The following UBAC2 variants were observed in gnomAD, a reference collection of about 807,000 sequenced individuals.
UBAC2 encodes ubiquitin-associated domain-containing protein 2.
A neutral mutation model predicts 44.0 loss-of-function variants in UBAC2; 26 were observed. The ratio of observed to expected loss-of-function variants is 0.59; its 90% confidence interval spans 0.43 to 0.82. The LOEUF is 0.82. UBAC2 is among the 40% of genes least tolerant of loss of function. The pLI, the probability that UBAC2 is intolerant of heterozygous loss-of-function variation, is 0.00. For missense variants in UBAC2, 329 were observed against 419.4 expected, an observed-to-expected ratio of 0.78 and a Z score of 1.88; for synonymous variants, 155 against 154.3, an observed-to-expected ratio of 1.00 and a Z score of -0.04.
At chr13:99,282,815 G>C (rs1387564912) in intron 4 of UBAC2, among the ~76,000 whole-genome samples, 1 of 152,160 alleles carries the variant, frequency 6.6e-6, no homozygotes, top group Admixed American at 6.5e-5. Flanking sequence ...CCATGTCTTG[G>C]TAACTATAGC....
chr13:99,230,508 C>T (rs2043160160), intron 1 of UBAC2, among the ~76,000 whole-genome samples: 1 of 152,022 alleles, frequency 6.6e-6, no homozygotes, highest in Non-Finnish European at 1.5e-5. Context: ...AATTTATTAT[C>T]CTACAGTTTG....
chr13:99,238,074 T>C (rs144369683), intron 1 of UBAC2, among the ~76,000 whole-genome samples: 7 of 152,380 alleles, frequency 4.6e-5, no homozygotes, highest in Admixed American at 4.6e-4. Context: ...GTTTTGTGCA[T>C]GCTCAGGAGC....
intron 7 of UBAC2, among the ~76,000 whole-genome samples, chr13:99,367,207 G>A (rs1192083507): frequency 6.6e-6 from 1 of 152,140 alleles, no homozygotes; most frequent in Non-Finnish European, 1.5e-5. Context: ...CCTTTTTGCT[G>A]TTTGTCAGAT....
At chr13:99,217,160 GT>G (rs2142674590) in intron 1 of UBAC2, among the ~76,000 whole-genome samples, 1 of 152,254 alleles carries the variant, frequency 6.6e-6, no homozygotes, top group African/African-American at 2.4e-5. Context: ...TAATTTTAGT[GT>G]TTGGGGTTTT....
intron 6 of UBAC2, among the ~76,000 whole-genome samples, chr13:99,323,312 C>A (rs1374517542): frequency 6.6e-6 from 1 of 152,040 alleles, no homozygotes; most frequent in Non-Finnish European, 1.5e-5. Flanking sequence ...AAAGAAAAAT[C>A]AAGGCTAACC....
At chr13:99,211,340 A>G (rs1411681548) in intron 1 of UBAC2, among the ~76,000 whole-genome samples, 1 of 152,196 alleles carries the variant, frequency 6.6e-6, no homozygotes, top group Non-Finnish European at 1.5e-5. Context: ...CTACTGTATC[A>G]TACAATGAAA....
chr13:99,338,096 C>T (rs1348673270), intron 6 of UBAC2, among the ~76,000 whole-genome samples: 12 of 103,646 alleles, frequency 1.2e-4, no homozygotes, highest in African/African-American at 3.2e-4. Context: ...CTCACTGTGT[C>T]GCCCAGGCTG....
chr13:99,276,662 G>A (rs190601578), intron 4 of UBAC2, among the ~76,000 whole-genome samples: 3 of 152,180 alleles, frequency 2.0e-5, no homozygotes, highest in African/African-American at 7.2e-5. Flanking sequence ...GAGGCTGGTG[G>A]GTGGTGCTGA....
At chr13:99,263,124 C>T (rs1052708116) in intron 4 of UBAC2, among the ~76,000 whole-genome samples, 1 of 152,102 alleles carries the variant, frequency 6.6e-6, no homozygotes, top group African/African-American at 2.4e-5. Context: ...TATTATACTT[C>T]GTTTTAGTAA....
chr13:99,254,700 A>T (rs762670401), intron 4 of UBAC2: 6 of 563,512 alleles, frequency 1.1e-5, no homozygotes, highest in African/African-American at 1.9e-5. Flanking sequence ...AAGAAAAATC[A>T]GATGCTTTTC....
chr13:99,227,959 A>G (rs1207265744), intron 1 of UBAC2, among the ~76,000 whole-genome samples: 1 of 152,240 alleles, frequency 6.6e-6, no homozygotes, highest in Non-Finnish European at 1.5e-5. Context: ...AGAGAAAATC[A>G]GTGGAAATGC....
chr13:99,241,260 G>A (rs1390083539), intron 2 of UBAC2, among the ~76,000 whole-genome samples: 1 of 94,358 alleles, frequency 1.1e-5, no homozygotes, highest in Non-Finnish European at 2.3e-5. Context: ...GTGAGACCCT[G>A]TCTCAAAAAA....
chr13:99,219,746 A>G (rs1228179080), intron 1 of UBAC2, among the ~76,000 whole-genome samples: 1 of 152,234 alleles, frequency 6.6e-6, no homozygotes, highest in South Asian at 2.1e-4. Context: ...GTCCCTGACA[A>G]ACACTAATCT....
chr13:99,261,428 A>G (rs2043659860), intron 4 of UBAC2, among the ~76,000 whole-genome samples: 2 of 152,212 alleles, frequency 1.3e-5, no homozygotes, highest in Non-Finnish European at 2.9e-5. Flanking sequence ...TTGAGAAACT[A>G]TTTGTCTAAA....
intron 4 of UBAC2, among the ~76,000 whole-genome samples, chr13:99,291,365 A>G (rs2044087040): frequency 6.6e-6 from 1 of 152,166 alleles, no homozygotes; most frequent in Non-Finnish European, 1.5e-5. Flanking sequence ...CCTGGGTTCA[A>G]AATAATGGCC....
At chr13:99,225,015 C>T (rs538685647) in intron 1 of UBAC2, among the ~76,000 whole-genome samples, 85 of 152,262 alleles carry the variant, frequency 5.6e-4, no homozygotes, top group African/African-American at 2.0e-3. Flanking sequence ...GAGAGGAATA[C>T]TTAATGGTAA....
chr13:99,371,990 T>C (rs1014589719), intron 8 of UBAC2, among the ~76,000 whole-genome samples: 5 of 152,332 alleles, frequency 3.3e-5, no homozygotes, highest in East Asian at 3.9e-4. Context: ...CCACTCCCGT[T>C]TTTTGGTGAG....
intron 7 of UBAC2, among the ~76,000 whole-genome samples, chr13:99,359,512 TCC>T (rs2045234859): frequency 6.6e-6 from 1 of 152,162 alleles, no homozygotes; most frequent in South Asian, 2.1e-4. Context: ...TCAACCTGTT[TCC>T]TAAATGTGTA....
intron 4 of UBAC2, chr13:99,254,796 G>C: frequency 9.6e-7 from 1 of 1,043,812 alleles, no homozygotes; most frequent in African/African-American, 1.6e-5. Flanking sequence ...GGACTTGATA[G>C]TATTATACAG....
Sources: gnomAD v4.1 joint callset for allele counts (sites outside exome capture counted in the v4.1 genomes callset) on GRCh38, gnomAD v4.1.1 for gene constraint, MANE v1.5 for transcripts, NCBI Gene and HGNC (gene_info 2026-07-23, HGNC 2026-07-21) for gene names.